The following IFTAP variants were observed in gnomAD, a reference collection of about 807,000 sequenced individuals.
IFTAP encodes the protein intraflagellar transport associated protein, also known as intraflagellar transport-associated protein.
In IFTAP, 19 loss-of-function variants were observed where a neutral mutation model predicts 19.4. That is an observed-to-expected ratio of 0.98 (90% CI 0.68 to 1.44). The LOEUF is 1.44. Among genes scored for constraint, IFTAP ranks in the 40% most tolerant of loss-of-function variants. The pLI is 0.00. For missense variants in IFTAP, 240 were observed against 253.6 expected (o/e 0.95, Z 0.36); for synonymous variants, 85 against 83.5 (o/e 1.02, Z -0.10).
chr11:36,641,011 G>A (rs1853173539), intron 4 of IFTAP, among the ~76,000 whole-genome samples: 1 of 152,078 alleles, frequency 6.6e-6, no homozygotes, highest in Non-Finnish European at 1.5e-5. Context: ...TGATTTTTCA[G>A]ATCGTGGTGT....
Position 36,647,869 on chromosome 11 carries a change from G to A in IFTAP, c.359-147G>A, listed in dbSNP as rs1409147814. On this transcript the variant is annotated intron_variant, in intron 4 of 5. Coordinates refer to ENST00000334307, the MANE Select transcript of IFTAP (RefSeq NM_138787.4). ...AGGAAAGGGCAATCCCTTGAGTCCA[G>A]TTCCCAAAGGAGGACAGGCATTGTG... 32 of 871,890 alleles carry A rather than the reference G, an allele frequency of 3.7e-5. No individual in the cohort carries two copies. The Admixed American group carries it at 6.9e-4, about 19-fold the overall frequency. 54.0% of individuals were successfully genotyped at this position (871,890 alleles called of 1,614,324 possible). A position where few individuals can be genotyped will look rare whatever the true frequency, so the allele number is the denominator to read the frequency against.
chr11:36,630,732 G>A lies in IFTAP; in HGVS notation c.137-2552G>A, dbSNP rs979976709. Among the ~76,000 whole-genome samples, 6 of 151,280 alleles carry A rather than the reference G, an allele frequency of 4.0e-5. 1 individual carries two copies. The highest frequency in any genetic ancestry group is 1.2e-4 in the African/African-American group (5 of 40,588). On this transcript the variant is annotated intron_variant, in intron 2 of 5. Coordinates refer to ENST00000334307, the MANE Select transcript of IFTAP (RefSeq NM_138787.4). ...TTTAAGTCAATAGATTATTACAATA[G>A]TGTTGTGCTGGGTACATAGTATTTT...
chr11:36,613,660 G>T (rs955527854), intron 2 of IFTAP, among the ~76,000 whole-genome samples: 1 of 151,966 alleles, frequency 6.6e-6, no homozygotes, highest in Non-Finnish European at 1.5e-5. Flanking sequence ...CTTGAGATGA[G>T]TCTAGGATAA....
Position 36,610,242 on chromosome 11 carries a change from A to G in IFTAP, c.136+3A>G. 6.3e-7 allele frequency: 1 copy of G among 1,597,282 alleles called. No homozygotes were observed. Among genetic ancestry groups the G allele is most frequent in the Non-Finnish European group, 8.5e-7 (1 of 1,169,852 alleles). On this transcript the variant is annotated splice_donor_region_variant and intron_variant, in intron 2 of 5. Transcript: ENST00000334307. Reference sequence around the variant, plus strand: ...CACTTTTACTCATCTTTCACAAGGTAAAATGGAGAAGTAAACTTTCTGCAG... The same window carrying G: ...CACTTTTACTCATCTTTCACAAGGTGAAATGGAGAAGTAAACTTTCTGCAG...
intron 1 of IFTAP, among the ~76,000 whole-genome samples, chr11:36,605,277 C>G (rs570034591): frequency 6.7e-6 from 1 of 149,752 alleles, no homozygotes; most frequent in Non-Finnish European, 1.5e-5. Flanking sequence ...CCACCTCCCC[C>G]CTGCCCCCCC....
chr11:36,641,158 A>C (rs910521141), intron 4 of IFTAP, among the ~76,000 whole-genome samples: 2 of 152,190 alleles, frequency 1.3e-5, no homozygotes, highest in South Asian at 2.1e-4. Context: ...GAATGCAGAA[A>C]CAAATAGGGA....
At chr11:36,610,672 T>A (rs1389915457) in intron 2 of IFTAP, among the ~76,000 whole-genome samples, 1 of 152,156 alleles carries the variant, frequency 6.6e-6, no homozygotes, top group Admixed American at 6.6e-5. Context: ...GCAGGGGTAG[T>A]TTTTGAGTAA....
At chr11:36,610,036 T>G in intron 1 of IFTAP, 45 bp from the exon 2 acceptor site, 2 of 1,530,310 alleles carry the variant, frequency 1.3e-6, no homozygotes, top group Non-Finnish European at 1.8e-6. Context: ...TCAAAGGGGC[T>G]GGTATTGCCT....
chr11:36,642,761 T>G (rs912273180), intron 4 of IFTAP, among the ~76,000 whole-genome samples: 1 of 152,126 alleles, frequency 6.6e-6, no homozygotes, highest in Non-Finnish European at 1.5e-5. Context: ...AAAAACCACA[T>G]GGTTATCTCA....
chr11:36,611,723 A>T (rs1851882715), intron 2 of IFTAP, among the ~76,000 whole-genome samples: 1 of 152,090 alleles, frequency 6.6e-6, no homozygotes, highest in South Asian at 2.1e-4. Flanking sequence ...ATGGAAATGA[A>T]AAATTTAGGA....
intron 5 of IFTAP, among the ~76,000 whole-genome samples, chr11:36,655,340 CCTT>C (rs2133547564): frequency 6.6e-6 from 1 of 152,276 alleles, no homozygotes; most frequent in South Asian, 2.1e-4. Flanking sequence ...TTCCAAGACG[CCTT>C]CTCTGATTCC....
intron 1 of IFTAP, among the ~76,000 whole-genome samples, chr11:36,596,411 G>A (rs966447313): frequency 6.6e-6 from 1 of 152,036 alleles, no homozygotes; most frequent in South Asian, 2.1e-4. Context: ...TCAAAGTTAT[G>A]AAAACAAGCC....
intron 2 of IFTAP, among the ~76,000 whole-genome samples, chr11:36,625,632 G>A (rs1278217765): frequency 1.3e-5 from 2 of 152,128 alleles, no homozygotes; most frequent in Admixed American, 6.6e-5. Context: ...TTTGGTAAAT[G>A]TTTGTTGAAT....
At chr11:36,608,822 C>T (rs1851781232) in intron 1 of IFTAP, among the ~76,000 whole-genome samples, 1 of 152,122 alleles carries the variant, frequency 6.6e-6, no homozygotes, top group Non-Finnish European at 1.5e-5. Context: ...AAATTTTTTC[C>T]AGATAGATTG....
At chr11:36,635,442 T>C (rs1354947922) in intron 3 of IFTAP, among the ~76,000 whole-genome samples, 2 of 152,196 alleles carry the variant, frequency 1.3e-5, no homozygotes, top group African/African-American at 4.8e-5. Context: ...ATGCTGCTAT[T>C]GTGTCTGTAA....
At chr11:36,595,381 A>G (rs1206169840) in intron 1 of IFTAP, 2 of 152,198 alleles carry the variant, frequency 1.3e-5, no homozygotes, top group South Asian at 2.1e-4. Flanking sequence ...ATAAATTTCT[A>G]TTTTATTATT....
intron 2 of IFTAP, among the ~76,000 whole-genome samples, chr11:36,618,555 T>C (rs1202566159): frequency 6.6e-6 from 1 of 151,970 alleles, no homozygotes; most frequent in Non-Finnish European, 1.5e-5. Context: ...AATGTGTAGA[T>C]GCTTAAATAT....
At chr11:36,607,455 C>T (rs1851733994) in intron 1 of IFTAP, among the ~76,000 whole-genome samples, 2 of 152,124 alleles carry the variant, frequency 1.3e-5, no homozygotes, top group Admixed American at 1.3e-4. Context: ...TCTGGGAAAG[C>T]ACCTTATATG....
chr11:36,650,623 G>C (rs1843997243), intron 5 of IFTAP, among the ~76,000 whole-genome samples: 1 of 147,208 alleles, frequency 6.8e-6, no homozygotes, highest in Non-Finnish European at 1.5e-5. Flanking sequence ...GTGCAGGTTT[G>C]TTACATATGT....
Sources: allele counts gnomAD v4.1 joint callset (sites outside exome capture counted in the v4.1 genomes callset), GRCh38; gene constraint gnomAD v4.1.1; transcripts MANE v1.5; gene names NCBI Gene and HGNC (gene_info 2026-07-23, HGNC 2026-07-21).